The following DPRX variants were observed in gnomAD, a reference collection of about 807,000 sequenced individuals.
DPRX encodes the protein divergent paired-related homeobox.
In DPRX, 11 loss-of-function variants were observed where a neutral mutation model predicts 8.4. The observed-to-expected ratio is 1.31, with a 90% CI of 0.82 to 2.17. The LOEUF is 2.17. Ranked by LOEUF, DPRX falls within the 30% of genes most tolerant of loss-of-function variation. The pLI, the probability that DPRX is intolerant of heterozygous loss-of-function variation, is 0.00. For missense variants in DPRX, 211 were observed against 236.7 expected, an observed-to-expected ratio of 0.89 and a Z score of 0.71; for synonymous variants, 72 against 87.0, an observed-to-expected ratio of 0.83 and a Z score of 0.96.
In DPRX at chr19:53,636,633, C is replaced by T. The variant is rs1470420637; in HGVS notation, c.221C>T (p.Ala74Val). The T allele has an allele frequency of 6.2e-6, 10 of 1,613,194 alleles. No homozygotes were observed. The East Asian group carries it at 6.7e-5, about 11-fold the overall frequency. ...AATCACAGAGCAAAACTCAAGAAAGCGAAATGCAAGCATATTCATCAAAAA... is the reference window on the plus strand; with the variant it reads ...AATCACAGAGCAAAACTCAAGAAAGTGAAATGCAAGCATATTCATCAAAAA... Residue 74 changes from alanine to valine, a missense_variant, in exon 3 of 3, where the codon GCG (alanine) becomes GTG (valine). Ala to Val is a moderately conservative substitution (Grantham distance 64). Coordinates refer to ENST00000376650, the Ensembl canonical transcript of DPRX.
chr19:53,632,696 G>C (rs1244386270), intron 1 of DPRX, among the ~76,000 whole-genome samples: 3 of 151,676 alleles, frequency 2.0e-5, no homozygotes, highest in Non-Finnish European at 4.4e-5. Flanking sequence ...GGCTGGCCTC[G>C]GCCTCCCAAA....
chr19:53,624,313 T>C, the DPRX span, among the ~76,000 whole-genome samples: 4 of 146,186 alleles, frequency 2.7e-5, no homozygotes. Context: ...GGTCTCAAAC[T>C]CCTGACCTCA....
chr19:53,625,733 G>GTTCA, the DPRX span, among the ~76,000 whole-genome samples: 1 of 151,734 alleles, frequency 6.6e-6, no homozygotes, highest in African/African-American at 2.4e-5. Flanking sequence ...CACCTTCCAG[G>GTTCA]TTCAAGTGAT....
At chr19:53,612,391 AAGC>A in the DPRX span, among the ~76,000 whole-genome samples, 1 of 151,686 alleles carries the variant, frequency 6.6e-6, no homozygotes, top group Non-Finnish European at 1.5e-5. Flanking sequence ...AAACACAAAA[AAGC>A]AGACAGCAGC....
At chr19:53,630,910 G>A (rs191147436), upstream of DPRX, among the ~76,000 whole-genome samples, 11 of 151,618 alleles carry the variant, frequency 7.3e-5, no homozygotes, top group African/African-American at 1.2e-4. Context: ...GCAGTGGTGC[G>A]ATCTCAGCTC....
At chr19:53,617,282 G>T in the DPRX span, 4 of 709,030 alleles carry the variant, frequency 5.6e-6, no homozygotes, top group Non-Finnish European at 7.9e-6. Flanking sequence ...AATCAGGCTG[G>T]GTGCAGTGGC....
the DPRX span, among the ~76,000 whole-genome samples, chr19:53,623,315 AAATAAAT>A: frequency 3.0e-5 from 4 of 132,588 alleles, no homozygotes; most frequent in African/African-American, 7.4e-5. Flanking sequence ...TCAAAAAAAT[AAATAAAT>A]AAATAAATAA....
At chr19:53,616,514 G>A in the DPRX span, among the ~76,000 whole-genome samples, 279 of 152,160 alleles carry the variant, frequency 1.8e-3, 7 homozygotes, top group Non-Finnish European at 2.5e-3. Context: ...CAGCACTTTG[G>A]GAGGCTGAGG....
At chr19:53,624,829 CAA>C in the DPRX span, among the ~76,000 whole-genome samples, 1 of 87,632 alleles carries the variant, frequency 1.1e-5, no homozygotes. Flanking sequence ...GCGACAGTCA[CAA>C]AAAAAAAAAA....
the DPRX span, among the ~76,000 whole-genome samples, chr19:53,622,356 G>A: frequency 6.6e-6 from 1 of 152,098 alleles, no homozygotes; most frequent in Non-Finnish European, 1.5e-5. Context: ...AGAGAGAGGG[G>A]CTGGGCGTGG....
upstream of DPRX, among the ~76,000 whole-genome samples, chr19:53,631,798 C>T (rs186857150): frequency 6.6e-6 from 1 of 152,180 alleles, no homozygotes; most frequent in East Asian, 1.9e-4. Flanking sequence ...GCAGCTTCTG[C>T]TCAGGAAGTC....
chr19:53,622,280 A>T, the DPRX span, among the ~76,000 whole-genome samples: 1 of 152,056 alleles, frequency 6.6e-6, no homozygotes, highest in African/African-American at 2.4e-5. Context: ...GTAAACAAGG[A>T]ATTTAGGGGT....
At chr19:53,620,141 C>G in the DPRX span, among the ~76,000 whole-genome samples, 1 of 152,076 alleles carries the variant, frequency 6.6e-6, no homozygotes, top group South Asian at 2.1e-4. Context: ...GTGATCTCGC[C>G]TCACTGCAAG....
At chr19:53,608,953 CAAAAAAAAAAAA>C in the DPRX span, among the ~76,000 whole-genome samples, 2 of 76,928 alleles carry the variant, frequency 2.6e-5, no homozygotes, top group South Asian at 4.8e-4. Context: ...GAGACTCCGT[CAAAAAAAAAAAA>C]AAAAAAAAAG....
At chr19:53,601,982 C>T in the DPRX span, 1 of 455,072 alleles carries the variant, frequency 2.2e-6, no homozygotes, top group South Asian at 1.6e-5. Context: ...GGTGTGGGGA[C>T]ATAAGGCCAC....
the DPRX span, among the ~76,000 whole-genome samples, chr19:53,619,786 T>G: frequency 2.4e-5 from 3 of 127,190 alleles, no homozygotes; most frequent in African/African-American, 6.1e-5. Flanking sequence ...ACCTGGGAGG[T>G]GGAGATTGCA....
At chr19:53,609,466 C>CAAA in the DPRX span, among the ~76,000 whole-genome samples, 256 of 55,474 alleles carry the variant, frequency 4.6e-3, 4 homozygotes, top group Non-Finnish European at 6.6e-3. Context: ...GACTCGGTCT[C>CAAA]AAAAAAAAAA....
chr19:53,620,344 C>T, the DPRX span, among the ~76,000 whole-genome samples: 4 of 151,912 alleles, frequency 2.6e-5, no homozygotes, highest in East Asian at 7.8e-4. Flanking sequence ...GCTGACATTA[C>T]AGGTGTGAGC....
the DPRX span, among the ~76,000 whole-genome samples, chr19:53,601,537 A>AGT: frequency 2.7e-5 from 4 of 146,566 alleles, no homozygotes; most frequent in Non-Finnish European, 6.0e-5. Context: ...GCTGGAGTGC[A>AGT]GTGGCGCGAT....
Sources: allele counts gnomAD v4.1 joint callset (sites outside exome capture counted in the v4.1 genomes callset), GRCh38; gene constraint gnomAD v4.1.1; transcripts MANE v1.5; gene names NCBI Gene and HGNC (gene_info 2026-07-23, HGNC 2026-07-21).